The following HEATR6 variants were observed in gnomAD, a reference collection of about 807,000 sequenced individuals.
HEATR6 encodes HEAT repeat-containing protein 6.
A neutral mutation model predicts 132.8 loss-of-function variants in HEATR6; 106 were observed. That is an observed-to-expected ratio of 0.80 (90% confidence interval 0.68 to 0.94). HEATR6 has a LOEUF of 0.94. Ranked by LOEUF, HEATR6 falls within the 40% of genes least tolerant of loss-of-function variation. The pLI is 0.00. For missense variants in HEATR6, 1,339 were observed against 1,425.1 expected (o/e 0.94, Z 0.97); for synonymous variants, 529 against 537.8 (o/e 0.98, Z 0.23).
In HEATR6 at chr17:60,066,332, T is replaced by C; in HGVS notation, c.1293A>G (p.Ile431Met). The change falls in exon 9 of 20, where the codon ATA becomes ATG. Residue 431 changes from isoleucine (I) to methionine (M), a missense_variant. Ile to Met is a conservative substitution (Grantham distance 10). Coordinates refer to ENST00000184956, the MANE Select transcript of HEATR6 (RefSeq NM_022070.5). The stretch of plus-strand genomic sequence containing the variant: ...AAAGAACTTTTTTTTCTATCGATTT[T>C]ATAGTAGAAAGAAAACAAACTAAGG... The part of the protein sequence containing the change: ...QGALVCFLST[I>M]KSIEKKVLYG... 1 of 1,613,806 alleles carries C rather than the reference T, an allele frequency of 6.2e-7. No homozygotes were observed. Among genetic ancestry groups the C allele is most frequent in the South Asian group, 1.1e-5 (1 of 90,998 alleles).
At position 60,044,033 on chromosome 17, in the gene HEATR6, C is replaced by A. The variant is rs752770560; in HGVS notation, c.3076G>T (p.Val1026Phe). Residue 1026 changes from valine (V) to phenylalanine (F), a missense_variant, in exon 20 of 20, where the codon GTC (valine) becomes TTC (phenylalanine). By Grantham distance (50) the Val-to-Phe change is conservative. Coordinates refer to ENST00000184956, the MANE Select transcript of HEATR6 (RefSeq NM_022070.5). Reference sequence around the variant, plus strand: ...CCGTACTGCTCTCTCTTCCCCGGGACGGAAAGGGCAGCTGCAGATCTGATG... The same window carrying A: ...CCGTACTGCTCTCTCTTCCCCGGGAAGGAAAGGGCAGCTGCAGATCTGATG... ...VRIRSAAALS[V>F]PGKREQYGSV... is the part of the protein sequence containing the mutation. The A allele has an allele frequency of 9.3e-6, 15 of 1,614,048 alleles. No homozygotes were observed. The highest frequency in any genetic ancestry group is 1.2e-5 in the Non-Finnish European group (14 of 1,180,044).
intron 7 of HEATR6, among the ~76,000 whole-genome samples, chr17:60,068,512 T>C (rs1415130553): frequency 1.3e-5 from 2 of 149,522 alleles, no homozygotes; most frequent in East Asian, 3.9e-4. Context: ...CATTCCCCTA[T>C]ATAAGATTCT....
At chr17:60,070,915 GA>G (rs1450076256) in intron 5 of HEATR6, 108 bp from the exon 6 acceptor site, 52 of 643,880 alleles carry the variant, frequency 8.1e-5, no homozygotes, top group Non-Finnish European at 1.3e-4. Context: ...TCTAGATGAT[GA>G]AAAAAAACTT....
At chr17:60,053,005 G>A (rs1262769392) in intron 14 of HEATR6, among the ~76,000 whole-genome samples, 1 of 152,082 alleles carries the variant, frequency 6.6e-6, no homozygotes, top group Non-Finnish European at 1.5e-5. Context: ...TATCCATTAA[G>A]TGGCTGATAT....
Position 60,069,839 on chromosome 17 carries a change from A to T in HEATR6, c.811T>A (p.Phe271Ile). ...ALLAVLKKFMFHGLPGLNIEM... is the reference protein window; with the variant it reads ...ALLAVLKKFMIHGLPGLNIEM... ...ATGTTTAGTCCAGGGAGTCCGTGAA[A>T]CATGAATTTCTAATAATGATGAATA... Residue 271 changes from phenylalanine (F) to isoleucine (I), a missense_variant, in exon 7 of 20, where the codon TTT (phenylalanine) becomes ATT (isoleucine). Transcript: ENST00000184956. The T allele has an allele frequency of 6.2e-7, 1 of 1,613,842 alleles. No homozygotes were observed. The highest frequency in any genetic ancestry group is 2.2e-5 in the East Asian group (1 of 44,876).
intron 2 of HEATR6, chr17:60,074,282 T>G: frequency 4.5e-5 from 9 of 202,114 alleles, no homozygotes; most frequent in Non-Finnish European, 8.0e-5. Flanking sequence ...ACTGCATCTC[T>G]AACATGACAT....
In HEATR6 at chr17:60,060,060, A is replaced by G. The variant is rs777631528; in HGVS notation, c.1453T>C (p.Leu485=). ...GAAAGAAACTGCTTTGAGCCTTCCA[A>G]GATGGCAGATAAAACTTGCAGAGCA... is the stretch of plus-strand genomic sequence containing the variant. ...ACALQVLSAI[L]EGSKQFLSVA... is the part of the protein sequence containing the mutation. Residue 485 remains leucine (L), a synonymous_variant, in exon 10 of 20, where the codon TTG becomes CTG. Coordinates refer to ENST00000184956, the MANE Select transcript of HEATR6 (RefSeq NM_022070.5). 1.2e-6 allele frequency: 2 copies of G among 1,614,090 alleles called. No homozygotes were observed. Among genetic ancestry groups the G allele is most frequent in the Non-Finnish European group, 1.7e-6 (2 of 1,179,938 alleles).
At chr17:60,073,656 T>A (rs2145202281) in intron 3 of HEATR6, 90 bp downstream of exon 3, 1 of 1,253,614 alleles carries the variant, frequency 8.0e-7, no homozygotes, top group East Asian at 2.3e-5. Context: ...TTGCTAGAGA[T>A]TAGTGGCAAG....
chr17:60,070,761 C>T lies in HEATR6; in HGVS notation c.746G>A (p.Gly249Glu), dbSNP rs1254883001. The T allele has an allele frequency of 6.2e-7, 1 of 1,610,796 alleles. No homozygotes were observed. Among genetic ancestry groups the T allele is most frequent in the Non-Finnish European group, 8.5e-7 (1 of 1,177,116 alleles). The change falls in exon 6 of 20, where the codon GGG (glycine) becomes GAG (glutamate). Residue 249 changes from glycine to glutamate, a missense_variant. By Grantham distance (98) the Gly-to-Glu change is moderately conservative. Transcript: ENST00000184956. ...LKGIQSLLNG[G>E]RMKLTQTDEL... ...ATCAGTCTGTGTTAGTTTCATTCTC[C>T]CACCATTTAGAAGTGACTGTATACC...
At chr17:60,053,635 T>A (rs1251569070) in intron 14 of HEATR6, among the ~76,000 whole-genome samples, 1 of 152,142 alleles carries the variant, frequency 6.6e-6, no homozygotes, top group Admixed American at 6.5e-5. Flanking sequence ...AGGTCTCAGA[T>A]AGAAATAAAA....
intron 3 of HEATR6, 115 bp from the exon 4 acceptor site, chr17:60,073,394 T>A: frequency 1.5e-6 from 1 of 653,092 alleles, no homozygotes; most frequent in Non-Finnish European, 2.7e-6. Context: ...ACCAAAAGAC[T>A]AGCTGTTAGA....
chr17:60,053,948 C>G (rs1256687196), intron 14 of HEATR6, among the ~76,000 whole-genome samples: 1 of 152,234 alleles, frequency 6.6e-6, no homozygotes, highest in Non-Finnish European at 1.5e-5. Flanking sequence ...AAGCTCGGAG[C>G]AACCACTTGC....
Position 60,069,748 on chromosome 17 carries a change from G to T in HEATR6, c.902C>A (p.Pro301Gln). The change falls in exon 7 of 20, where the codon CCA becomes CAA. Residue 301 changes from proline to glutamine, a missense_variant. By Grantham distance (76) the Pro-to-Gln change is moderately conservative. Coordinates refer to ENST00000184956, the MANE Select transcript of HEATR6 (RefSeq NM_022070.5). Reference sequence around the variant, plus strand: ...AGAAGCACTGGATTCTGATTGCTGTGGTTTGATAGGTGTTCGCCCATCATA... The same window carrying T: ...AGAAGCACTGGATTCTGATTGCTGTTGTTTGATAGGTGTTCGCCCATCATA... Reference protein sequence around the residue: ...PQYDGRTPIKPQQSESSASRP... With the variant: ...PQYDGRTPIKQQQSESSASRP... The T allele has an allele frequency of 6.2e-7, 1 of 1,614,048 alleles. No homozygotes were observed. The highest frequency in any genetic ancestry group is 1.1e-5 in the South Asian group (1 of 91,076).
At chr17:60,068,584 T>C (rs1365407222) in intron 7 of HEATR6, among the ~76,000 whole-genome samples, 1 of 149,890 alleles carries the variant, frequency 6.7e-6, no homozygotes, top group Non-Finnish European at 1.5e-5. Flanking sequence ...TGTACAAGAA[T>C]CTTATCATTC....
At chr17:60,068,118 A>T (rs1446795926) in intron 7 of HEATR6, among the ~76,000 whole-genome samples, 1 of 152,174 alleles carries the variant, frequency 6.6e-6, no homozygotes, top group African/African-American at 2.4e-5. Flanking sequence ...TCTCAACTGG[A>T]ATTTCTCAAG....
intron 11 of HEATR6, 51 bp downstream of exon 11, chr17:60,059,371 G>A (rs763041306): frequency 2.0e-6 from 2 of 1,010,858 alleles, no homozygotes; most frequent in Non-Finnish European, 3.1e-6. Flanking sequence ...TTTACTAATA[G>A]TCTGCATCTG....
intron 11 of HEATR6, among the ~76,000 whole-genome samples, chr17:60,059,175 T>C (rs1336031326): frequency 6.6e-6 from 1 of 152,204 alleles, no homozygotes; most frequent in Non-Finnish European, 1.5e-5. Context: ...AGGGATACTC[T>C]GGTCACTGCC....
intron 8 of HEATR6, among the ~76,000 whole-genome samples, chr17:60,067,022 G>A (rs937606630): frequency 2.6e-4 from 39 of 152,134 alleles, no homozygotes; most frequent in African/African-American, 8.5e-4. Flanking sequence ...TGTAATCCCA[G>A]CACTTTGGGA....
intron 17 of HEATR6, among the ~76,000 whole-genome samples, chr17:60,048,013 A>G (rs1262480216): frequency 6.6e-6 from 1 of 152,216 alleles, no homozygotes; most frequent in Non-Finnish European, 1.5e-5. Context: ...TATGTTTTCT[A>G]TAATGTAGAC....
Sources: gnomAD v4.1 joint callset for allele counts (sites outside exome capture counted in the v4.1 genomes callset) on GRCh38, gnomAD v4.1.1 for gene constraint, MANE v1.5 for transcripts, NCBI Gene and HGNC (gene_info 2026-07-23, HGNC 2026-07-21) for gene names.